Variants in ZC3H12B observed in about 807,000 individuals in gnomAD.
ZC3H12B encodes probable ribonuclease ZC3H12B.
A neutral mutation model predicts 43.9 loss-of-function variants in ZC3H12B; 7 were observed. The observed-to-expected ratio is 0.16, with a 90% CI of 0.09 to 0.30. The LOEUF (loss-of-function observed/expected upper bound fraction) is 0.30, where lower values mean the gene tolerates loss of function less well. ZC3H12B is among the 10% of genes least tolerant of loss of function. The pLI is 1.00. For synonymous variants in ZC3H12B, 222 were observed against 241.7 expected, an observed-to-expected ratio of 0.92 and a Z score of 0.76; for missense variants, 475 against 670.2, an observed-to-expected ratio of 0.71 and a Z score of 3.22.
At chrX:65,120,349 A>C in the ZC3H12B span, among the ~76,000 whole-genome samples, 1 of 111,014 alleles carries the variant, frequency 9.0e-6, no homozygotes, top group African/African-American at 3.3e-5. Flanking sequence ...GTTCTCCTTG[A>C]AGAGGTTTTT....
At chrX:65,195,248 C>T in the ZC3H12B span, among the ~76,000 whole-genome samples, 163 of 111,033 alleles carry the variant, frequency 1.5e-3, 1 homozygote, top group African/African-American at 5.3e-3. Flanking sequence ...TTTCTTTCTT[C>T]CTACCTGTCT....
At chrX:65,420,145 C>A (rs1203171938) in intron 3 of ZC3H12B, among the ~76,000 whole-genome samples, 1 of 111,752 alleles carries the variant, frequency 8.9e-6, no homozygotes, top group African/African-American at 3.3e-5. Flanking sequence ...TAGGCCAGGC[C>A]CCAAAGCCTG....
intron 3 of ZC3H12B, among the ~76,000 whole-genome samples, chrX:65,460,854 T>C (rs1405907119): frequency 1.8e-5 from 2 of 111,179 alleles, no homozygotes; most frequent in Non-Finnish European, 3.8e-5. Context: ...CCAAAATTGA[T>C]AAATGGGATC....
the ZC3H12B span, among the ~76,000 whole-genome samples, chrX:65,229,241 C>G: frequency 9.0e-6 from 1 of 111,608 alleles, no homozygotes; most frequent in African/African-American, 3.3e-5. Context: ...ATATCTACAA[C>G]TATCTGATCT....
At chrX:65,064,504 A>G in the ZC3H12B span, among the ~76,000 whole-genome samples, 2 of 112,020 alleles carry the variant, frequency 1.8e-5, no homozygotes, top group African/African-American at 3.2e-5. Context: ...TGATTGCACT[A>G]TGGTCTGAGA....
chrX:65,306,923 GA>G, the ZC3H12B span, among the ~76,000 whole-genome samples: 2 of 112,242 alleles, frequency 1.8e-5, no homozygotes, highest in African/African-American at 3.2e-5. Flanking sequence ...TGACAAATTA[GA>G]ATATTTTGTG....
At chrX:65,418,533 C>T (rs1227040977) in intron 3 of ZC3H12B, among the ~76,000 whole-genome samples, 1 of 111,410 alleles carries the variant, frequency 9.0e-6, no homozygotes, top group African/African-American at 3.3e-5. Context: ...TGATAACAGT[C>T]GACTTCCAAA....
the ZC3H12B span, among the ~76,000 whole-genome samples, chrX:65,049,851 T>C: frequency 1.8e-5 from 2 of 111,601 alleles, no homozygotes; most frequent in Non-Finnish European, 3.8e-5. Context: ...CTTCCAACAA[T>C]GTTTTGTAGT....
the ZC3H12B span, among the ~76,000 whole-genome samples, chrX:65,086,466 C>G: frequency 9.0e-6 from 1 of 111,315 alleles, no homozygotes; most frequent in East Asian, 2.8e-4. Context: ...ATTTTCACTG[C>G]TGTGGTCTGA....
chrX:65,462,398 G>C (rs746391754), intron 3 of ZC3H12B, among the ~76,000 whole-genome samples: 1 of 110,868 alleles, frequency 9.0e-6, no homozygotes, highest in Non-Finnish European at 1.9e-5. Context: ...TGTGATCCTA[G>C]CTACTCGGGA....
the ZC3H12B span, among the ~76,000 whole-genome samples, chrX:65,285,817 G>T: frequency 9.0e-5 from 10 of 110,831 alleles, no homozygotes; most frequent in East Asian, 2.3e-3. Flanking sequence ...GGACCCAAAT[G>T]GCACCGCTAT....
the ZC3H12B span, among the ~76,000 whole-genome samples, chrX:65,296,811 T>A: frequency 2.7e-5 from 3 of 111,282 alleles, no homozygotes; most frequent in African/African-American, 9.8e-5. Flanking sequence ...TCCACCATGA[T>A]CAAGTGGGTT....
At chrX:65,318,240 G>A in the ZC3H12B span, among the ~76,000 whole-genome samples, 3 of 106,963 alleles carry the variant, frequency 2.8e-5, no homozygotes, top group Non-Finnish European at 3.8e-5. Context: ...ATGTGGTATC[G>A]CATTGTGGTT....
the ZC3H12B span, among the ~76,000 whole-genome samples, chrX:65,268,151 A>T: frequency 1.8e-5 from 2 of 112,133 alleles, no homozygotes; most frequent in Admixed American, 1.9e-4. Context: ...ATTTCAACAA[A>T]TTGGATAACC....
intron 3 of ZC3H12B, among the ~76,000 whole-genome samples, chrX:65,420,107 G>A (rs181546803): frequency 9.0e-4 from 101 of 111,815 alleles, no homozygotes; most frequent in African/African-American, 3.2e-3. Flanking sequence ...CATTTGCATG[G>A]ACCCAGACAC....
At chrX:65,444,440 G>GC (rs59937155) in intron 3 of ZC3H12B, among the ~76,000 whole-genome samples, 7,583 of 111,708 alleles carry the variant, frequency 0.068, 700 homozygotes, top group African/African-American at 0.24. Context: ...TTAAAAACGG[G>GC]CATTTCCCTG....
chrX:65,361,705 C>T (rs1000259348), upstream of ZC3H12B, among the ~76,000 whole-genome samples: 8 of 110,307 alleles, frequency 7.3e-5, no homozygotes, highest in African/African-American at 2.6e-4. Context: ...GGCCATCTTA[C>T]TCTCAACATG....
chrX:65,165,047 A>G, the ZC3H12B span, among the ~76,000 whole-genome samples: 1 of 111,903 alleles, frequency 8.9e-6, no homozygotes, highest in Non-Finnish European at 1.9e-5. Context: ...AGTGCTTTAA[A>G]CGAAGTTATA....
chrX:65,380,687 A>G (rs1334514744), intron 2 of ZC3H12B, among the ~76,000 whole-genome samples: 1 of 111,993 alleles, frequency 8.9e-6, no homozygotes, highest in African/African-American at 3.2e-5. Flanking sequence ...GTCAAGACCC[A>G]TCAGTGTGCT....
Sources: gnomAD v4.1 joint callset for allele counts (sites outside exome capture counted in the v4.1 genomes callset) on GRCh38, gnomAD v4.1.1 for gene constraint, MANE v1.5 for transcripts, NCBI Gene and HGNC (gene_info 2026-07-23, HGNC 2026-07-21) for gene names.